ZNF486: variants seen among roughly 807,000 people sequenced by gnomAD.
The protein encoded by ZNF486 is zinc finger protein 486.
Under a neutral mutation model 12.8 loss-of-function variants are expected in ZNF486, and 12 were observed. That is an observed-to-expected ratio of 0.94 (90% confidence interval 0.60 to 1.52). ZNF486 has a LOEUF of 1.52. Ranked by LOEUF, ZNF486 falls within the 40% of genes most tolerant of loss-of-function variation. The pLI, the probability that ZNF486 is intolerant of heterozygous loss-of-function variation, is 0.00. For synonymous variants in ZNF486, 231 were observed against 184.9 expected (o/e 1.25, Z -2.02); for missense variants, 738 against 545.0 (o/e 1.35, Z -3.53).
intron 1 of ZNF486, among the ~76,000 whole-genome samples, chr19:20,182,682 G>A (rs1555715765): frequency 2.6e-5 from 4 of 152,156 alleles, no homozygotes. Flanking sequence ...GACAGGAAAT[G>A]AGAAACTTAT....
In ZNF486 at chr19:20,197,406, T is replaced by C. The variant is rs552665381; in HGVS notation, c.696T>C (p.His232=). ...SSHLTTHKIT[H]TREKPYKCEE... ...ACCTTACTACACATAAGATAACTCATACTAGAGAGAAACCCTACAAATGTG... is the reference window on the plus strand; with the variant it reads ...ACCTTACTACACATAAGATAACTCACACTAGAGAGAAACCCTACAAATGTG... The change falls in exon 4 of 4, where the codon CAT becomes CAC. Residue 232 remains histidine, a synonymous_variant. Coordinates refer to ENST00000335117, the MANE Select transcript of ZNF486 (RefSeq NM_052852.4). The C allele has an allele frequency of 1.9e-6, 3 of 1,613,684 alleles. No homozygotes were observed. Among genetic ancestry groups the C allele is most frequent in the East Asian group, 4.5e-5 (2 of 44,852 alleles).
chr19:20,170,038 C>G (rs1269303138), intron 1 of ZNF486, among the ~76,000 whole-genome samples: 3 of 151,402 alleles, frequency 2.0e-5, no homozygotes, highest in Non-Finnish European at 4.4e-5. Flanking sequence ...CTACAGGCGC[C>G]CGCCACCACG....
chr19:20,197,716 A>T lies in ZNF486; in HGVS notation c.1006A>T (p.Ile336Phe), dbSNP rs369273610. 3.1e-6 allele frequency: 5 copies of T among 1,613,388 alleles called. No individual in the cohort carries two copies. The African/African-American group carries it at 6.7e-5, about 22-fold the overall frequency. Residue 336 changes from isoleucine (I) to phenylalanine (F), a missense_variant, in exon 4 of 4, where the codon ATC becomes TTC. Ile to Phe is a conservative substitution (Grantham distance 21, BLOSUM62 0). Coordinates refer to ENST00000335117, the MANE Select transcript of ZNF486 (RefSeq NM_052852.4). ...TGGCAAAGCCTTTATTTCATCCTCG[A>T]TCCTTAGTAAACATGAGAAGATTCA... is the stretch of plus-strand genomic sequence containing the variant. Reference protein sequence around the residue: ...KCGKAFISSSILSKHEKIHTG... With the variant: ...KCGKAFISSSFLSKHEKIHTG...
Position 20,172,420 on chromosome 19 carries a change from T to C in ZNF486, c.30+5060T>C, listed in dbSNP as rs148559063. Among the ~76,000 whole-genome samples, 957 of 152,096 alleles carry C rather than the reference T, an allele frequency of 6.3e-3. 7 individuals carry two copies. The highest frequency in any genetic ancestry group is 0.022 in the African/African-American group (910 of 41,464). On this transcript the variant is annotated intron_variant, in intron 1 of 3. Transcript: ENST00000335117. ...TTCGAGTGATTCTCCTGCCTCAGCC[T>C]CCTGAGTAGCTGGGATTACAGGCAC...
rs836903 is a variant in ZNF486 at position 20,198,893 on chromosome 19, T to C, written c.*791T>C. On this transcript the variant is annotated 3_prime_UTR_variant, in exon 4 of 4. Transcript: ENST00000335117. ...AGGAACTTTACAAACCTGAAAGATGTGACAGTGCTTTTCCCAACACCTCCA... is the reference window on the plus strand; with the variant it reads ...AGGAACTTTACAAACCTGAAAGATGCGACAGTGCTTTTCCCAACACCTCCA... 0.37 allele frequency: 56,140 copies of C among 152,164 alleles called. 14,422 individuals are homozygous for C. Among genetic ancestry groups the C allele is most frequent in the African/African-American group, 0.72 (29,746 of 41,284 alleles). 9.4% of individuals were successfully genotyped at this position (152,164 alleles called of 1,614,324 possible). A position where few individuals can be genotyped will look rare whatever the true frequency, so the allele number is the denominator to read the frequency against.
chr19:20,193,639 C>G (rs1177596874), intron 3 of ZNF486, among the ~76,000 whole-genome samples: 2 of 151,798 alleles, frequency 1.3e-5, no homozygotes, highest in East Asian at 1.9e-4. Context: ...CCAGCCTGGA[C>G]AACAGAGCGA....
chr19:20,171,997 T>C (rs922672096), intron 1 of ZNF486, among the ~76,000 whole-genome samples: 1 of 152,084 alleles, frequency 6.6e-6, no homozygotes, highest in Non-Finnish European at 1.5e-5. Flanking sequence ...TTTTTTTTTT[T>C]TCCTTTCATT....
At chr19:20,189,611 A>G (rs1400509707) in intron 3 of ZNF486, among the ~76,000 whole-genome samples, 1 of 152,044 alleles carries the variant, frequency 6.6e-6, no homozygotes, top group Non-Finnish European at 1.5e-5. Context: ...CATTCTTTCA[A>G]ATGCTTTTTC....
chr19:20,182,760 G>T (rs1445610220), intron 1 of ZNF486, among the ~76,000 whole-genome samples: 1 of 152,110 alleles, frequency 6.6e-6, no homozygotes, highest in African/African-American at 2.4e-5. Flanking sequence ...AGAAATAGGT[G>T]GGCTTTTTCT....
intron 1 of ZNF486, among the ~76,000 whole-genome samples, chr19:20,169,015 A>G (rs111599205): frequency 0.077 from 11,452 of 148,782 alleles, 686 homozygotes; most frequent in African/African-American, 0.17. Flanking sequence ...TAATTTTTGT[A>G]TTTTTAGCAG....
chr19:20,175,756 C>T (rs1458829724), intron 1 of ZNF486, among the ~76,000 whole-genome samples: 1 of 152,232 alleles, frequency 6.6e-6, no homozygotes, highest in Non-Finnish European at 1.5e-5. Context: ...CGGCAACCAT[C>T]CGATTTCTCA....
At position 20,173,831 on chromosome 19, in the gene ZNF486, C is replaced by CA. The variant is rs541187774; in HGVS notation, c.30+6484dup. ...TGGGGGACAGAGCGAGACTCCGTCT[C>CA]AAAAAAAAAAAAACTTCCAAAAAAA... On this transcript the variant is annotated intron_variant, in intron 1 of 3. Transcript: ENST00000335117. 5.5e-3 allele frequency among the ~76,000 whole-genome samples: 674 copies of CA among 121,946 alleles called. 4 individuals carry two copies. The highest frequency in any genetic ancestry group is 0.014 in the Middle Eastern group (3 of 216). The allele number at this position is 121,946 out of a possible 152,430, so 80.0% of individuals were successfully genotyped here.
At chr19:20,193,646 G>T (rs1178036865) in intron 3 of ZNF486, among the ~76,000 whole-genome samples, 1 of 151,848 alleles carries the variant, frequency 6.6e-6, no homozygotes, top group South Asian at 2.1e-4. Flanking sequence ...GGACAACAGA[G>T]CGAAACTCCG....
intron 1 of ZNF486, among the ~76,000 whole-genome samples, chr19:20,168,665 A>G (rs2089611890): frequency 6.6e-6 from 1 of 152,074 alleles, no homozygotes; most frequent in Non-Finnish European, 1.5e-5. Flanking sequence ...AAAAAAAAAA[A>G]AAAGTAAGAA....
Position 20,200,060 on chromosome 19 carries a change from A to G in ZNF486, c.*1958A>G, listed in dbSNP as rs1317408956. On this transcript the variant is annotated 3_prime_UTR_variant, in exon 4 of 4. Coordinates refer to ENST00000335117, the MANE Select transcript of ZNF486 (RefSeq NM_052852.4). Reference sequence around the variant, plus strand: ...CACCATTGTCCAGCCTGGGCAACAGAGCAAGACTCCATCTCAAAAAAAAAA... The same window carrying G: ...CACCATTGTCCAGCCTGGGCAACAGGGCAAGACTCCATCTCAAAAAAAAAA... 4 of 152,082 alleles carry G rather than the reference A, an allele frequency of 2.6e-5. No individual in the cohort carries two copies. Among genetic ancestry groups the G allele is most frequent in the Non-Finnish European group, 5.9e-5 (4 of 68,026 alleles). 9.4% of individuals were successfully genotyped at this position (152,082 alleles called of 1,614,324 possible). A position where few individuals can be genotyped will look rare whatever the true frequency, so the allele number is the denominator to read the frequency against.
chr19:20,196,856 C>T (rs559079689), intron 3 of ZNF486, 108 bp from the exon 4 acceptor site: 6 of 1,337,172 alleles, frequency 4.5e-6, no homozygotes, highest in Non-Finnish European at 5.0e-6. Flanking sequence ...TGGCATTTTG[C>T]TATGTCATCT....
At chr19:20,191,401 A>G (rs2089900774) in intron 3 of ZNF486, among the ~76,000 whole-genome samples, 3 of 149,090 alleles carry the variant, frequency 2.0e-5, no homozygotes. Flanking sequence ...TGGGAGGCGG[A>G]GCTTGCAGTG....
intron 3 of ZNF486, among the ~76,000 whole-genome samples, chr19:20,195,791 C>G (rs1471458584): frequency 6.6e-6 from 1 of 152,168 alleles, no homozygotes; most frequent in East Asian, 1.9e-4. Context: ...AGTCAGTAAT[C>G]ACCTGCTACA....
At chr19:20,184,751 C>T (rs1363913131) in intron 2 of ZNF486, among the ~76,000 whole-genome samples, 3 of 152,012 alleles carry the variant, frequency 2.0e-5, no homozygotes, top group East Asian at 3.8e-4. Context: ...TAGTGTTGCC[C>T]TCAGCTGAAA....
Sources: gnomAD v4.1 joint callset for allele counts (sites outside exome capture counted in the v4.1 genomes callset) on GRCh38, gnomAD v4.1.1 for gene constraint, MANE v1.5 for transcripts, NCBI Gene and HGNC (gene_info 2026-07-23, HGNC 2026-07-21) for gene names.